Variants in CFAP299 observed in about 807,000 individuals in gnomAD.
The protein encoded by CFAP299 is cilia and flagella associated protein 299, also known as cilia- and flagella-associated protein 299.
CFAP299 carries 21 observed loss-of-function variants against 27.0 expected under a neutral mutation model. The observed-to-expected ratio is 0.78, with a 90% CI of 0.55 to 1.12. CFAP299 has a LOEUF of 1.12. CFAP299 is among the 50% of genes most tolerant of loss of function. CFAP299 has a pLI of 0.00. For synonymous variants in CFAP299, 104 were observed against 98.1 expected (o/e 1.06, Z -0.36); for missense variants, 310 against 276.6 (o/e 1.12, Z -0.86).
At chr4:80,883,893 G>T (rs1733842557) in intron 4 of CFAP299, among the ~76,000 whole-genome samples, 1 of 152,142 alleles carries the variant, frequency 6.6e-6, no homozygotes, top group Non-Finnish European at 1.5e-5. Context: ...AAGTTCAGGG[G>T]TACACGTGCA....
chr4:80,396,080 G>A (rs188991511), intron 2 of CFAP299, among the ~76,000 whole-genome samples: 2 of 152,188 alleles, frequency 1.3e-5, no homozygotes, highest in African/African-American at 4.8e-5. Context: ...TGCACTATGT[G>A]TCACTGCCAA....
chr4:80,629,101 T>G (rs571899600), intron 3 of CFAP299, among the ~76,000 whole-genome samples: 1 of 152,158 alleles, frequency 6.6e-6, no homozygotes, highest in South Asian at 2.1e-4. Context: ...GATTAAAAAA[T>G]GTGGACACAA....
At position 80,936,738 on chromosome 4, in the gene CFAP299, C is replaced by T. The variant is rs114258253; in HGVS notation, c.477-8072C>T. On this transcript the variant is annotated intron_variant, in intron 4 of 5. Coordinates refer to ENST00000358105, the MANE Select transcript of CFAP299 (RefSeq NM_152770.3). ...TCATTTATACAACAAACACCCATAA[C>T]GTGAGTTTACTTATATAACAAATCT... Among the ~76,000 whole-genome samples, 892 of 151,842 alleles carry T rather than the reference C, an allele frequency of 5.9e-3. 9 individuals carry two copies. Among genetic ancestry groups the T allele is most frequent in the Non-Finnish European group, 7.4e-3 (506 of 67,932 alleles).
chr4:80,946,582 AG>A (rs1237353435), intron 5 of CFAP299, among the ~76,000 whole-genome samples: 1 of 152,220 alleles, frequency 6.6e-6, no homozygotes, highest in African/African-American at 2.4e-5. Context: ...AGGTATTCTG[AG>A]ACAGGGAGAA....
chr4:80,842,914 T>A (rs931505503), intron 3 of CFAP299, among the ~76,000 whole-genome samples: 3 of 152,076 alleles, frequency 2.0e-5, no homozygotes, highest in African/African-American at 7.2e-5. Flanking sequence ...ATAAAATACA[T>A]TAAATGCCAA....
chr4:80,423,573 T>C (rs1215833732), intron 2 of CFAP299, among the ~76,000 whole-genome samples: 1 of 152,202 alleles, frequency 6.6e-6, no homozygotes, highest in Non-Finnish European at 1.5e-5. Flanking sequence ...GGGAGCTCTC[T>C]GACCCCCTAT....
At chr4:80,855,814 C>T (rs568988478) in intron 3 of CFAP299, among the ~76,000 whole-genome samples, 7 of 151,992 alleles carry the variant, frequency 4.6e-5, no homozygotes, top group African/African-American at 1.5e-4. Flanking sequence ...CATTGTTGGA[C>T]ATTTGGGTTG....
intron 3 of CFAP299, among the ~76,000 whole-genome samples, chr4:80,685,839 ATT>A (rs1720155282): frequency 1.3e-5 from 2 of 152,160 alleles, no homozygotes; most frequent in South Asian, 4.1e-4. Context: ...GGACCAGTTC[ATT>A]TGAGAGAAAC....
At chr4:80,949,722 T>C (rs988878747) in intron 5 of CFAP299, among the ~76,000 whole-genome samples, 3 of 152,090 alleles carry the variant, frequency 2.0e-5, no homozygotes, top group South Asian at 4.1e-4. Context: ...ATAGTTCAAT[T>C]TGGCTTCTGC....
intron 3 of CFAP299, among the ~76,000 whole-genome samples, chr4:80,675,327 C>G (rs774861850): frequency 1.1e-4 from 16 of 152,176 alleles, no homozygotes; most frequent in Middle Eastern, 3.2e-3. Context: ...TACTCCAGAC[C>G]CTGTTTACCT....
At chr4:80,903,358 C>G (rs1735022687) in intron 4 of CFAP299, among the ~76,000 whole-genome samples, 1 of 151,832 alleles carries the variant, frequency 6.6e-6, no homozygotes, top group Non-Finnish European at 1.5e-5. Flanking sequence ...TATTTATTAT[C>G]AAGAAAAACA....
intron 2 of CFAP299, among the ~76,000 whole-genome samples, chr4:80,472,646 G>A (rs1340368521): frequency 6.6e-6 from 1 of 152,168 alleles, no homozygotes; most frequent in Admixed American, 6.5e-5. Context: ...ACAGTCGAGT[G>A]GCAGCCGGCT....
At chr4:80,843,533 C>T (rs897728052) in intron 3 of CFAP299, among the ~76,000 whole-genome samples, 16 of 151,924 alleles carry the variant, frequency 1.1e-4, no homozygotes, top group Non-Finnish European at 1.5e-5. Context: ...AGTGCCACAA[C>T]AAACATACGT....
At chr4:80,846,125 T>C (rs1056386301) in intron 3 of CFAP299, among the ~76,000 whole-genome samples, 1 of 152,076 alleles carries the variant, frequency 6.6e-6, no homozygotes. Flanking sequence ...ATAGGGAGAC[T>C]TTATTAGAGG....
chr4:80,775,758 A>G (rs371458172), intron 3 of CFAP299, among the ~76,000 whole-genome samples: 8 of 152,252 alleles, frequency 5.3e-5, no homozygotes, highest in African/African-American at 1.4e-4. Context: ...CAAATAAAAC[A>G]TGTTTGTCTG....
intron 4 of CFAP299, among the ~76,000 whole-genome samples, chr4:80,917,161 A>G (rs1042844455): frequency 6.6e-6 from 1 of 152,110 alleles, no homozygotes; most frequent in Non-Finnish European, 1.5e-5. Flanking sequence ...AATAGCTTCA[A>G]GTGGGAGAGA....
At chr4:80,946,399 A>G (rs1737478931) in intron 5 of CFAP299, among the ~76,000 whole-genome samples, 1 of 152,166 alleles carries the variant, frequency 6.6e-6, no homozygotes, top group Admixed American at 6.5e-5. Context: ...GATGGGGTTG[A>G]GAGGGTACAA....
intron 2 of CFAP299, among the ~76,000 whole-genome samples, chr4:80,560,288 T>C (rs765114906): frequency 2.0e-5 from 3 of 151,924 alleles, no homozygotes; most frequent in Non-Finnish European, 4.4e-5. Context: ...GAAGAGCCCC[T>C]GGGCTCTGAA....
At chr4:80,389,542 A>G (rs1725214579) in intron 2 of CFAP299, among the ~76,000 whole-genome samples, 1 of 152,212 alleles carries the variant, frequency 6.6e-6, no homozygotes, top group South Asian at 2.1e-4. Context: ...TTGAGGAGTA[A>G]ATTAAAAAAT....
Sources: gnomAD v4.1 joint callset for allele counts (sites outside exome capture counted in the v4.1 genomes callset) on GRCh38, gnomAD v4.1.1 for gene constraint, MANE v1.5 for transcripts, NCBI Gene and HGNC (gene_info 2026-07-23, HGNC 2026-07-21) for gene names.